NFATC2: variants seen among roughly 807,000 people sequenced by gnomAD.
NFATC2 encodes nuclear factor of activated T-cells, cytoplasmic 2.
Under a neutral mutation model 87.3 loss-of-function variants are expected in NFATC2, and 22 were observed. That is an observed-to-expected ratio of 0.25 (90% confidence interval 0.18 to 0.36). The LOEUF is 0.36. Among genes scored for constraint, NFATC2 ranks in the 10% least tolerant of loss-of-function variants. NFATC2 has a pLI of 1.00. For synonymous variants in NFATC2, 565 were observed against 542.2 expected, an observed-to-expected ratio of 1.04 and a Z score of -0.58; for missense variants, 1,149 against 1,259.1, an observed-to-expected ratio of 0.91 and a Z score of 1.32.
intron 5 of NFATC2, among the ~76,000 whole-genome samples, chr20:51,462,572 C>T (rs1006981594): frequency 6.6e-6 from 1 of 152,090 alleles, no homozygotes; most frequent in East Asian, 1.9e-4. Context: ...AGGGTTCACA[C>T]GTAAAAGTAA....
rs145905934 is a variant in NFATC2, at chr20:51,536,304, A to T, written c.130+6066T>A. 1.5e-3 allele frequency among the ~76,000 whole-genome samples: 222 copies of T among 152,316 alleles called. 2 individuals carry two copies. The highest frequency in any genetic ancestry group is 3.2e-3 in the African/African-American group (133 of 41,574). ...GTGTCCTGCTGCCCTCCAGGGCCAC[A>T]TCCTGGCTGTGAGATATAGTGCTGA... On this transcript the variant is annotated intron_variant, in intron 1 of 10. Coordinates refer to ENST00000371564, the MANE Select transcript of NFATC2 (RefSeq NM_012340.5).
chr20:51,464,313 G>A (rs1030465651), intron 5 of NFATC2, among the ~76,000 whole-genome samples: 4 of 152,232 alleles, frequency 2.6e-5, no homozygotes, highest in East Asian at 3.8e-4. Context: ...AGACACACAC[G>A]CATTTAACCG....
intron 3 of NFATC2, among the ~76,000 whole-genome samples, chr20:51,481,246 G>A (rs1313890945): frequency 1.3e-5 from 2 of 152,192 alleles, no homozygotes; most frequent in Admixed American, 6.5e-5. Flanking sequence ...TTTGCAAATA[G>A]AACTTGATGT....
At chr20:51,433,761 G>A (rs547540545) in intron 8 of NFATC2, among the ~76,000 whole-genome samples, 3 of 91,632 alleles carry the variant, frequency 3.3e-5, no homozygotes, top group East Asian at 5.2e-4. Context: ...ATGCATGCAT[G>A]TGTGTGTGTG....
chr20:51,482,831 C>T (rs537176922), intron 3 of NFATC2, among the ~76,000 whole-genome samples: 50 of 152,324 alleles, frequency 3.3e-4, no homozygotes, highest in Middle Eastern at 6.8e-3. Flanking sequence ...TATTGGCATT[C>T]GAGTTTATGT....
At chr20:51,474,202 G>C (rs1426279152) in intron 4 of NFATC2, 50 bp from the exon 5 acceptor site, 1 of 1,595,852 alleles carries the variant, frequency 6.3e-7, no homozygotes, top group East Asian at 2.2e-5. Context: ...TCAGGAGCAG[G>C]AAAGATCACC....
At chr20:51,413,610 C>T (rs1362155925) in intron 9 of NFATC2, among the ~76,000 whole-genome samples, 2 of 152,044 alleles carry the variant, frequency 1.3e-5, no homozygotes, top group African/African-American at 4.8e-5. Context: ...TAAGAAAAAA[C>T]AGCCAGGAGT....
intron 5 of NFATC2, among the ~76,000 whole-genome samples, chr20:51,462,185 A>T (rs1987230189): frequency 6.6e-6 from 1 of 151,860 alleles, no homozygotes; most frequent in Non-Finnish European, 1.5e-5. Flanking sequence ...CTGTAATCCC[A>T]GCACTTTGGG....
At chr20:51,536,260 G>A (rs2076718247) in intron 1 of NFATC2, among the ~76,000 whole-genome samples, 2 of 152,160 alleles carry the variant, frequency 1.3e-5, no homozygotes, top group African/African-American at 4.8e-5. Context: ...GACAAAGCTA[G>A]AGACAGCAGC....
At chr20:51,431,111 T>C (rs975269550) in intron 9 of NFATC2, among the ~76,000 whole-genome samples, 6 of 152,212 alleles carry the variant, frequency 3.9e-5, no homozygotes, top group African/African-American at 1.4e-4. Context: ...TCACTTTGCA[T>C]GCCTGTCTCC....
intron 3 of NFATC2, among the ~76,000 whole-genome samples, chr20:51,514,129 T>C (rs1024233114): frequency 6.6e-6 from 1 of 152,218 alleles, no homozygotes; most frequent in Admixed American, 6.5e-5. Context: ...TTTCTAAATG[T>C]TTATTATTAC....
At chr20:51,461,601 C>G (rs899359609) in intron 5 of NFATC2, among the ~76,000 whole-genome samples, 2 of 152,224 alleles carry the variant, frequency 1.3e-5, no homozygotes, top group South Asian at 2.1e-4. Context: ...CTGTGCCCAC[C>G]TGCAGCACAG....
chr20:51,469,988 C>A (rs1168150451), intron 5 of NFATC2, among the ~76,000 whole-genome samples: 3 of 152,212 alleles, frequency 2.0e-5, no homozygotes, highest in African/African-American at 7.2e-5. Flanking sequence ...TCTACCCCTG[C>A]AGGGAAAGTG....
upstream of NFATC2, among the ~76,000 whole-genome samples, chr20:51,547,025 G>A (rs1451256380): frequency 6.6e-6 from 1 of 152,212 alleles, no homozygotes; most frequent in African/African-American, 2.4e-5. Context: ...TGGGAGGTAA[G>A]TGGGGCCCAG....
chr20:51,394,399 T>C (rs112293538), intron 10 of NFATC2, among the ~76,000 whole-genome samples: 8 of 21,876 alleles, frequency 3.7e-4, no homozygotes, highest in East Asian at 2.7e-3. Context: ...TCAGCACTGT[T>C]CCCTCCTCTT....
intron 2 of NFATC2, among the ~76,000 whole-genome samples, chr20:51,519,698 G>A (rs558914827): frequency 2.4e-4 from 36 of 147,638 alleles, no homozygotes; most frequent in Admixed American, 2.1e-3. Context: ...GGCAGATGAC[G>A]AGGTCAGGAG....
intron 3 of NFATC2, among the ~76,000 whole-genome samples, chr20:51,493,991 C>T (rs1163716736): frequency 6.6e-6 from 1 of 152,182 alleles, no homozygotes; most frequent in Non-Finnish European, 1.5e-5. Context: ...GCCCCATGAG[C>T]TGTGGCAAAG....
intron 3 of NFATC2, among the ~76,000 whole-genome samples, chr20:51,504,553 T>G (rs893231951): frequency 6.6e-6 from 1 of 152,242 alleles, no homozygotes; most frequent in African/African-American, 2.4e-5. Flanking sequence ...AACTTATTCA[T>G]GCAACCAAAC....
At chr20:51,499,557 A>G (rs1001994633) in intron 3 of NFATC2, among the ~76,000 whole-genome samples, 1 of 152,150 alleles carries the variant, frequency 6.6e-6, no homozygotes, top group Non-Finnish European at 1.5e-5. Context: ...GTTCAAGATC[A>G]GCCTGACCAA....
Sources: allele counts gnomAD v4.1 joint callset (sites outside exome capture counted in the v4.1 genomes callset), GRCh38; gene constraint gnomAD v4.1.1; transcripts MANE v1.5; gene names NCBI Gene and HGNC (gene_info 2026-07-23, HGNC 2026-07-21).